The following MEF2A variants were observed in gnomAD, a reference collection of about 807,000 sequenced individuals.
The protein encoded by MEF2A is myocyte enhancer factor 2A, also known as myocyte-specific enhancer factor 2A.
In MEF2A, 28 loss-of-function variants were observed where a neutral mutation model predicts 55.8. The observed-to-expected ratio is 0.50, with a 90% confidence interval of 0.37 to 0.69. MEF2A has a LOEUF of 0.69. MEF2A is among the 30% of genes least tolerant of loss of function. MEF2A has a pLI of 0.00. For missense variants in MEF2A, 528 were observed against 626.2 expected (o/e 0.84, Z 1.67); for synonymous variants, 239 against 227.1 (o/e 1.05, Z -0.47).
rs1411956014 is a variant in MEF2A, at chr15:99,716,385, T to C, written c.*3614T>C. ...GTTTTTCTTCATTATACAATAAATA[T>C]AATAGTGAACTTTTTATCAAATGGT... On this transcript the variant is annotated 3_prime_UTR_variant, in exon 12 of 12. Coordinates refer to ENST00000557942, the MANE Select transcript of MEF2A (RefSeq NM_001319206.4). 1 of 395,744 alleles carries C rather than the reference T, an allele frequency of 2.5e-6. No homozygotes were observed. 24.5% of individuals were successfully genotyped at this position (395,744 alleles called of 1,614,324 possible).
chr15:99,589,201 G>A (rs1024982488), intron 1 of MEF2A, among the ~76,000 whole-genome samples: 1 of 152,164 alleles, frequency 6.6e-6, no homozygotes, highest in African/African-American at 2.4e-5. Flanking sequence ...AGTTTTCTTT[G>A]TGGAAAGCTT....
intron 3 of MEF2A, among the ~76,000 whole-genome samples, chr15:99,640,386 A>G (rs1047468232): frequency 6.6e-6 from 1 of 152,178 alleles, no homozygotes; most frequent in East Asian, 1.9e-4. Flanking sequence ...CAAATTTTGC[A>G]ATACATATTG....
At chr15:99,699,933 G>A (rs2057121588) in intron 8 of MEF2A, among the ~76,000 whole-genome samples, 1 of 149,634 alleles carries the variant, frequency 6.7e-6, no homozygotes, top group African/African-American at 2.5e-5. Context: ...TATAGTTGAA[G>A]GATTCAGTAA....
chr15:99,678,845 A>T (rs945817163), intron 7 of MEF2A: 1 of 187,998 alleles, frequency 5.3e-6, no homozygotes, highest in Non-Finnish European at 9.9e-6. Context: ...AGAATGGGAG[A>T]ATATATATAG....
chr15:99,620,528 T>TA (rs2040965030), intron 2 of MEF2A, among the ~76,000 whole-genome samples: 1 of 152,220 alleles, frequency 6.6e-6, no homozygotes, highest in Admixed American at 6.5e-5. Flanking sequence ...TTTGTTCTTT[T>TA]TATGACTGTG....
chr15:99,646,439 T>C (rs1011446771), intron 4 of MEF2A, among the ~76,000 whole-genome samples: 4 of 152,158 alleles, frequency 2.6e-5, no homozygotes, highest in Non-Finnish European at 5.9e-5. Flanking sequence ...GTATTTCTAA[T>C]CACATTTTAA....
chr15:99,632,480 TTC>T (rs1234613921), intron 2 of MEF2A, among the ~76,000 whole-genome samples: 2 of 152,178 alleles, frequency 1.3e-5, no homozygotes, highest in African/African-American at 4.8e-5. Context: ...TTTAAGGATA[TTC>T]TGTGTTGTGA....
intron 2 of MEF2A, among the ~76,000 whole-genome samples, chr15:99,619,319 A>C (rs568256414): frequency 3.1e-4 from 47 of 152,272 alleles, no homozygotes; most frequent in African/African-American, 1.1e-3. Flanking sequence ...TCACCCCCTC[A>C]TGAAGGCAGC....
At chr15:99,617,285 G>T (rs1418320349) in intron 2 of MEF2A, among the ~76,000 whole-genome samples, 1 of 147,246 alleles carries the variant, frequency 6.8e-6, no homozygotes. Flanking sequence ...TGTATGGTCT[G>T]TATTTATTTG....
intron 3 of MEF2A, among the ~76,000 whole-genome samples, chr15:99,635,840 G>A (rs139858655): frequency 6.6e-6 from 1 of 152,206 alleles, no homozygotes; most frequent in East Asian, 1.9e-4. Flanking sequence ...ATTGTAAATG[G>A]ACATTTGGAT....
At chr15:99,629,770 C>T (rs768574084) in intron 2 of MEF2A, among the ~76,000 whole-genome samples, 29 of 152,126 alleles carry the variant, frequency 1.9e-4, no homozygotes, top group Non-Finnish European at 2.8e-4. Flanking sequence ...GAAACCCTGT[C>T]TCTACTAAAA....
In MEF2A at chr15:99,712,252, A is replaced by G; in HGVS notation, c.1137-138A>G. On this transcript the variant is annotated intron_variant, in intron 11 of 11. Coordinates refer to ENST00000557942, the MANE Select transcript of MEF2A (RefSeq NM_001319206.4). The surrounding 1 kb of genome is among the most constrained non-coding windows in gnomAD (Gnocchi z 4.1). ...TTTGTGCCAAGCACTGAAGGAAACG[A>G]CCCAAACCAGTCTTGGGGAACTCTG... is the stretch of plus-strand genomic sequence containing the variant. The G allele has an allele frequency of 4.3e-6, 6 of 1,400,350 alleles. No individual in the cohort carries two copies. The highest frequency in any genetic ancestry group is 5.6e-6 in the Non-Finnish European group (6 of 1,070,330). 86.7% of individuals were successfully genotyped at this position (1,400,350 alleles called of 1,614,324 possible).
intron 4 of MEF2A, among the ~76,000 whole-genome samples, chr15:99,651,966 G>C (rs1319806535): frequency 6.6e-6 from 1 of 152,098 alleles, no homozygotes; most frequent in Non-Finnish European, 1.5e-5. Context: ...CTCCCTATGT[G>C]TTCTTTTTAT....
chr15:99,650,834 A>G (rs2046739506), intron 4 of MEF2A, among the ~76,000 whole-genome samples: 1 of 152,192 alleles, frequency 6.6e-6, no homozygotes, highest in Non-Finnish European at 1.5e-5. Context: ...CTTCCTAGAA[A>G]TGCAAGTTCT....
intron 2 of MEF2A, among the ~76,000 whole-genome samples, chr15:99,629,807 G>A (rs34981499): frequency 0.2 from 30,200 of 152,028 alleles, 3,243 homozygotes; most frequent in East Asian, 0.26. Flanking sequence ...GGGCGTGGTG[G>A]CACGTGCCTG....
chr15:99,688,735 C>T (rs12595502), intron 7 of MEF2A, among the ~76,000 whole-genome samples: 63,265 of 151,630 alleles, frequency 0.42, 14,830 homozygotes, highest in Middle Eastern at 0.61. Flanking sequence ...CCAGCCTGGG[C>T]AACAGGGCAA....
chr15:99,641,195 G>A (rs536410309), intron 3 of MEF2A, among the ~76,000 whole-genome samples: 5 of 152,288 alleles, frequency 3.3e-5, no homozygotes, highest in Admixed American at 6.5e-5. Flanking sequence ...TCCACCAAAC[G>A]TGGAGGTTCT....
rs1187711284 is a variant in MEF2A at position 99,645,545 on chromosome 15, C to CT, written c.55-10dup. On this transcript the variant is annotated splice_polypyrimidine_tract_variant and intron_variant, in intron 3 of 11. Transcript: ENST00000557942. ...ACTAATGCTTTTAATAAAAATATACCTTTTTTATTGTTTAGGTCACTTTTA... is the reference window on the plus strand; with the variant it reads ...ACTAATGCTTTTAATAAAAATATACCTTTTTTTATTGTTTAGGTCACTTTTA... 6.4e-7 allele frequency: 1 copy of CT among 1,569,480 alleles called. No individual in the cohort carries two copies. The highest frequency in any genetic ancestry group is 1.4e-5 in the African/African-American group (1 of 73,774).
rs140271481 is a variant in MEF2A at position 99,640,971 on chromosome 15, C to T, written c.55-4590C>T. On this transcript the variant is annotated intron_variant, in intron 3 of 11. Transcript: ENST00000557942. ...TATTGGTTTTTTATCTAGTTTGATC[C>T]ATCTCTTAACCCACCAGTCTAGTTG... is the stretch of plus-strand genomic sequence containing the variant. 1.7e-4 allele frequency among the ~76,000 whole-genome samples: 26 copies of T among 152,134 alleles called. No individual in the cohort carries two copies. The East Asian group carries it at 3.1e-3, about 18-fold the overall frequency.
Sources: gnomAD v4.1 joint callset for allele counts (sites outside exome capture counted in the v4.1 genomes callset) on GRCh38, gnomAD v4.1.1 for gene constraint, Gnocchi (gnomAD v3.1) non-coding constraint, MANE v1.5 for transcripts, NCBI Gene and HGNC (gene_info 2026-07-23, HGNC 2026-07-21) for gene names.